MPP7: variants seen among roughly 807,000 people sequenced by gnomAD.
MPP7 encodes the protein MAGUK p55 scaffold protein 7.
In MPP7, 60 loss-of-function variants were observed where a neutral mutation model predicts 76.5. That is an observed-to-expected ratio of 0.78 (90% CI 0.64 to 0.97). The LOEUF (loss-of-function observed/expected upper bound fraction) is 0.97. MPP7 is among the 50% of genes least tolerant of loss of function. MPP7 has a pLI of 0.00. For missense variants in MPP7, 641 were observed against 694.0 expected, an observed-to-expected ratio of 0.92 and a Z score of 0.86; for synonymous variants, 237 against 244.5, an observed-to-expected ratio of 0.97 and a Z score of 0.29.
intron 3 of MPP7, among the ~76,000 whole-genome samples, chr10:28,162,557 C>G (rs1836296959): frequency 6.6e-6 from 1 of 152,122 alleles, no homozygotes; most frequent in Non-Finnish European, 1.5e-5. Context: ...ACTCCAAGTT[C>G]AGAGAAGCAG....
intron 12 of MPP7, among the ~76,000 whole-genome samples, chr10:28,077,450 G>A (rs1268332687): frequency 6.6e-6 from 1 of 152,100 alleles, no homozygotes; most frequent in Non-Finnish European, 1.5e-5. Context: ...TTCCCAGTCA[G>A]GCCCTTGGAT....
At chr10:28,262,206 T>TATATATATATAC (rs1564741195) in intron 1 of MPP7, among the ~76,000 whole-genome samples, 1 of 8,442 alleles carries the variant, frequency 1.2e-4, no homozygotes, top group African/African-American at 2.4e-4. Flanking sequence ...TATATATATA[T>TATATATATATAC]ACATATATAT....
intron 6 of MPP7, among the ~76,000 whole-genome samples, chr10:28,129,375 T>G (rs1301203172): frequency 6.6e-6 from 1 of 152,172 alleles, no homozygotes; most frequent in African/African-American, 2.4e-5. Flanking sequence ...AATTTCAAGT[T>G]AGATTGAAAA....
intron 1 of MPP7, among the ~76,000 whole-genome samples, chr10:28,273,569 C>T (rs1232657223): frequency 6.6e-6 from 1 of 152,198 alleles, no homozygotes; most frequent in East Asian, 1.9e-4. Flanking sequence ...CACATTCCAG[C>T]TTACTCACCC....
At chr10:28,262,212 T>TATATAC (rs1564741283) in intron 1 of MPP7, among the ~76,000 whole-genome samples, 23 of 57,536 alleles carry the variant, frequency 4.0e-4, no homozygotes, top group East Asian at 2.0e-3. Context: ...TATATACATA[T>TATATAC]ATATATATAT....
At chr10:28,156,414 T>C (rs564968895) in intron 3 of MPP7, among the ~76,000 whole-genome samples, 3 of 152,344 alleles carry the variant, frequency 2.0e-5, no homozygotes, top group South Asian at 2.1e-4. Flanking sequence ...TGTATACATA[T>C]GATACAATCA....
At chr10:28,057,854 G>C (rs983518622) in intron 15 of MPP7, 2 of 1,239,842 alleles carry the variant, frequency 1.6e-6, no homozygotes, top group Non-Finnish European at 2.1e-6. Flanking sequence ...TGGTCCCTGG[G>C]GGATGAGGAA....
chr10:28,248,962 C>T (rs1221919105), intron 1 of MPP7, among the ~76,000 whole-genome samples: 4 of 152,118 alleles, frequency 2.6e-5, no homozygotes, highest in Non-Finnish European at 5.9e-5. Context: ...GTATGACTTA[C>T]AGAAACTATG....
intron 7 of MPP7, 50 bp downstream of exon 7, chr10:28,124,960 C>T: frequency 4.1e-6 from 6 of 1,469,054 alleles, no homozygotes; most frequent in Non-Finnish European, 5.7e-6. Flanking sequence ...GGAAATGCTA[C>T]ACACGAAACA....
intron 8 of MPP7, among the ~76,000 whole-genome samples, chr10:28,122,535 T>C (rs1423226657): frequency 6.6e-6 from 1 of 152,182 alleles, no homozygotes; most frequent in East Asian, 1.9e-4. Flanking sequence ...TAAATATACC[T>C]ATTTTCCTAT....
chr10:28,097,752 G>A (rs958985413), intron 11 of MPP7, among the ~76,000 whole-genome samples: 8 of 152,060 alleles, frequency 5.3e-5, no homozygotes, highest in Non-Finnish European at 1.0e-4. Flanking sequence ...TCCAAATAAG[G>A]AAATAAGGAA....
intron 3 of MPP7, among the ~76,000 whole-genome samples, chr10:28,177,963 T>C (rs1287720145): frequency 6.6e-6 from 1 of 152,130 alleles, no homozygotes; most frequent in Non-Finnish European, 1.5e-5. Flanking sequence ...TCCAGGTCTC[T>C]CTGATGAAAA....
chr10:28,228,340 T>C (rs575342823), intron 2 of MPP7, among the ~76,000 whole-genome samples: 4 of 152,270 alleles, frequency 2.6e-5, no homozygotes, highest in Middle Eastern at 3.4e-3. Context: ...CTTCAGTAAT[T>C]TGAATCTATC....
At chr10:28,156,656 G>T (rs960120660) in intron 3 of MPP7, among the ~76,000 whole-genome samples, 1 of 152,164 alleles carries the variant, frequency 6.6e-6, no homozygotes, top group African/African-American at 2.4e-5. Flanking sequence ...CACTAACTGT[G>T]ATCACTGCAA....
In MPP7 at chr10:28,051,081, T is replaced by C. The variant is rs1405899084; in HGVS notation, c.*2984A>G. The C allele has an allele frequency of 6.6e-6, 1 of 152,212 alleles. No individual in the cohort carries two copies. Among genetic ancestry groups the C allele is most frequent in the Non-Finnish European group, 1.5e-5 (1 of 68,036 alleles). The allele number at this position is 152,212 out of a possible 1,614,324, so 9.4% of individuals were successfully genotyped here. A position where few individuals can be genotyped will look rare whatever the true frequency, so the allele number is the denominator to read the frequency against. On this transcript the variant is annotated 3_prime_UTR_variant, in exon 17 of 17. Coordinates refer to ENST00000683449, the MANE Select transcript of MPP7 (RefSeq NM_001318170.2). The stretch of plus-strand genomic sequence containing the variant: ...TCACAGTAGAAAATATAATTTGTTC[T>C]ACCATGGGAAATAGTATAATGGAAT...
chr10:28,192,625 A>T (rs953202325), intron 3 of MPP7, among the ~76,000 whole-genome samples: 1 of 152,364 alleles, frequency 6.6e-6, no homozygotes. Flanking sequence ...AAATCAAACA[A>T]GATCTCAATA....
chr10:28,180,631 A>G (rs946471328), intron 3 of MPP7, among the ~76,000 whole-genome samples: 1 of 152,230 alleles, frequency 6.6e-6, no homozygotes, highest in Non-Finnish European at 1.5e-5. Flanking sequence ...TGTGGTAATA[A>G]GCAATGCCTA....
intron 5 of MPP7, among the ~76,000 whole-genome samples, chr10:28,144,787 A>G (rs1835650925): frequency 6.6e-6 from 1 of 152,026 alleles, no homozygotes; most frequent in South Asian, 2.1e-4. Context: ...ATCCCATATC[A>G]TTTCCATACG....
chr10:28,302,341 T>C (rs765113483), intron 1 of MPP7, among the ~76,000 whole-genome samples: 12 of 152,120 alleles, frequency 7.9e-5, no homozygotes, highest in Non-Finnish European at 1.6e-4. Context: ...AAATAGCAAA[T>C]AAGTAAATAA....
Sources: gnomAD v4.1 joint callset for allele counts (sites outside exome capture counted in the v4.1 genomes callset) on GRCh38, gnomAD v4.1.1 for gene constraint, MANE v1.5 for transcripts, NCBI Gene and HGNC (gene_info 2026-07-23, HGNC 2026-07-21) for gene names.